The following HS1BP3 variants were observed in gnomAD, a reference collection of about 807,000 sequenced individuals.
HS1BP3 encodes HCLS1 binding protein 3, also known as HCLS1-binding protein 3.
Under a neutral mutation model 33.5 loss-of-function variants are expected in HS1BP3, and 32 were observed. The observed-to-expected ratio is 0.95, with a 90% CI of 0.72 to 1.28. HS1BP3 has a LOEUF of 1.28. Ranked by LOEUF, HS1BP3 falls within the 50% of genes most tolerant of loss-of-function variation. The probability of loss-of-function intolerance (pLI) is 0.00; values close to 1 mark genes in which losing one functional copy is unlikely to be tolerated. For missense variants in HS1BP3, 486 were observed against 502.3 expected, an observed-to-expected ratio of 0.97 and a Z score of 0.31; for synonymous variants, 187 against 209.2, an observed-to-expected ratio of 0.89 and a Z score of 0.92.
intron 6 of HS1BP3, among the ~76,000 whole-genome samples, chr2:20,621,079 G>C (rs1694584039): frequency 6.6e-6 from 1 of 152,254 alleles, no homozygotes; most frequent in African/African-American, 2.4e-5. Flanking sequence ...AGGTGGGAAT[G>C]AGAATGAACA....
At chr2:20,568,608 C>T (rs1693192402) in intron 5 of HS1BP3, among the ~76,000 whole-genome samples, 1 of 152,156 alleles carries the variant, frequency 6.6e-6, no homozygotes, top group Non-Finnish European at 1.5e-5. Flanking sequence ...GGCTCCCAGG[C>T]CTGCCATGGC....
intron 5 of HS1BP3, among the ~76,000 whole-genome samples, chr2:20,585,030 T>C (rs950627683): frequency 2.0e-5 from 3 of 152,104 alleles, no homozygotes; most frequent in African/African-American, 7.2e-5. Context: ...GCAGTGACCT[T>C]GGGAAAGGTA....
At chr2:20,614,387 A>G (rs1477704990), downstream of HS1BP3, among the ~76,000 whole-genome samples, 10 of 152,210 alleles carry the variant, frequency 6.6e-5, no homozygotes, top group Admixed American at 6.5e-4. Context: ...CAGGTAACAA[A>G]CTGTCCATGC....
chr2:20,594,996 C>T (rs1046172436), intron 3 of HS1BP3, among the ~76,000 whole-genome samples: 9 of 152,046 alleles, frequency 5.9e-5, no homozygotes, highest in African/African-American at 1.9e-4. Flanking sequence ...TACACGTTGT[C>T]GGGAGTAAAA....
chr2:20,631,516 C>CAAAAAAAAA (rs529653146), intron 4 of HS1BP3, among the ~76,000 whole-genome samples: 1 of 63,184 alleles, frequency 1.6e-5, no homozygotes, highest in African/African-American at 6.2e-5. Context: ...GAACCTGTCT[C>CAAAAAAAAA]AAAAAAAAAA....
At chr2:20,612,475 T>C (rs577050972) in intron 2 of HS1BP3, among the ~76,000 whole-genome samples, 7 of 152,348 alleles carry the variant, frequency 4.6e-5, no homozygotes, top group African/African-American at 1.4e-4. Context: ...TTGCAGTCAC[T>C]GTTAGTTCCA....
intron 6 of HS1BP3, 144 bp downstream of exon 6, chr2:20,623,752 T>A (rs1331576244): frequency 1.1e-6 from 1 of 914,704 alleles, no homozygotes; most frequent in Non-Finnish European, 1.6e-6. Flanking sequence ...TCACCCAATG[T>A]GCACCCACAG....
At chr2:20,580,886 C>A (rs1693517382) in intron 5 of HS1BP3, among the ~76,000 whole-genome samples, 1 of 152,214 alleles carries the variant, frequency 6.6e-6, no homozygotes, top group Admixed American at 6.5e-5. Flanking sequence ...TGTGCATGGA[C>A]CATGTGAACA....
chr2:20,617,395 G>A (rs889219283), downstream of HS1BP3, among the ~76,000 whole-genome samples: 1 of 152,172 alleles, frequency 6.6e-6, no homozygotes, highest in African/African-American at 2.4e-5. Flanking sequence ...CTGACCCTCT[G>A]AGCCTGGGTT....
At chr2:20,624,592 C>G in intron 5 of HS1BP3, 140 bp downstream of exon 5, 1 of 796,384 alleles carries the variant, frequency 1.3e-6, no homozygotes, top group Non-Finnish European at 1.9e-6. Context: ...CATGGAAGCA[C>G]AAAGCTGAGT....
downstream of HS1BP3, among the ~76,000 whole-genome samples, chr2:20,558,481 C>A (rs1438663820): frequency 7.2e-5 from 11 of 152,314 alleles, no homozygotes; most frequent in Non-Finnish European, 7.3e-5. Context: ...CAGTTCTGGG[C>A]TGCAAGGTAG....
chr2:20,602,925 T>C (rs749631056), intron 2 of HS1BP3, among the ~76,000 whole-genome samples: 6 of 152,164 alleles, frequency 3.9e-5, no homozygotes, highest in Admixed American at 2.6e-4. Context: ...AAGATCTAGA[T>C]AGACATTTCT....
chr2:20,641,150 ACTC>A lies in HS1BP3; in HGVS notation c.226_228del (p.Glu76del), dbSNP rs1695334603. On this transcript the variant is annotated inframe_deletion, in exon 3 of 7. Transcript: ENST00000304031. ...TAACGACTGCTCAGTTTCTGGTAAA[ACTC>A]CTCAATCTCGCTGTACTTTTTGGAG... The A allele has an allele frequency of 1.9e-6, 3 of 1,609,480 alleles. No homozygotes were observed. In the East Asian group the frequency reaches 6.7e-5, roughly 36 times the overall value.
At chr2:20,554,323 A>G in the HS1BP3 span, among the ~76,000 whole-genome samples, 1 of 152,212 alleles carries the variant, frequency 6.6e-6, no homozygotes, top group African/African-American at 2.4e-5. Context: ...ATGCGTCTCA[A>G]TAGCCTGACA....
In HS1BP3 at chr2:20,640,953, T is replaced by C; in HGVS notation, c.406+20A>G. ...CTGGGCCGGGGAGACCTGAGGGACA[T>C]GGGGCAGAGCCTTGGGTACCTAAGA... On this transcript the variant is annotated intron_variant, in intron 3 of 6. Coordinates refer to ENST00000304031, the MANE Select transcript of HS1BP3 (RefSeq NM_022460.4). 6.2e-7 allele frequency: 1 copy of C among 1,612,860 alleles called. No homozygotes were observed. Among genetic ancestry groups the C allele is most frequent in the South Asian group, 1.1e-5 (1 of 91,062 alleles).
At chr2:20,610,732 G>A (rs1436489554) in intron 2 of HS1BP3, among the ~76,000 whole-genome samples, 2 of 152,168 alleles carry the variant, frequency 1.3e-5, no homozygotes, top group Non-Finnish European at 2.9e-5. Context: ...ACTCCTTTGG[G>A]TAAATACCAA....
At chr2:20,628,810 G>T (rs1451261120) in intron 4 of HS1BP3, among the ~76,000 whole-genome samples, 1 of 152,144 alleles carries the variant, frequency 6.6e-6, no homozygotes, top group Non-Finnish European at 1.5e-5. Context: ...CTTGGGTACA[G>T]GACCTGAGAG....
intron 3 of HS1BP3, among the ~76,000 whole-genome samples, chr2:20,595,647 TC>T (rs1693926357): frequency 6.6e-6 from 1 of 152,236 alleles, no homozygotes; most frequent in South Asian, 2.1e-4. Context: ...ATGGCTGGTT[TC>T]TTCCCTAGGT....
At chr2:20,562,255 G>T (rs1346618035) in intron 5 of HS1BP3, among the ~76,000 whole-genome samples, 1 of 152,202 alleles carries the variant, frequency 6.6e-6, no homozygotes, top group Non-Finnish European at 1.5e-5. Context: ...GAGGTGGGAA[G>T]AATGCTTGAA....
Sources: gnomAD v4.1 joint callset for allele counts (sites outside exome capture counted in the v4.1 genomes callset) on GRCh38, gnomAD v4.1.1 for gene constraint, MANE v1.5 for transcripts, NCBI Gene and HGNC (gene_info 2026-07-23, HGNC 2026-07-21) for gene names.